The following PSMD2 variants were observed in gnomAD, a reference collection of about 807,000 sequenced individuals.
PSMD2 encodes 26S proteasome non-ATPase regulatory subunit 2.
PSMD2 carries 8 observed loss-of-function variants against 101.5 expected under a neutral mutation model. The observed-to-expected ratio is 0.08, with a 90% CI of 0.05 to 0.14. PSMD2 has a LOEUF of 0.14. Among genes scored for constraint, PSMD2 ranks in the 10% least tolerant of loss-of-function variants. PSMD2 has a pLI of 1.00. For synonymous variants in PSMD2, 418 were observed against 433.8 expected, an observed-to-expected ratio of 0.96 and a Z score of 0.45; for missense variants, 784 against 1,147.4, an observed-to-expected ratio of 0.68 and a Z score of 4.58.
chr3:184,303,490 C>T (rs763447151), intron 9 of PSMD2, 24 bp downstream of exon 9: 3 of 1,611,996 alleles, frequency 1.9e-6, no homozygotes, highest in Admixed American at 3.3e-5. Flanking sequence ...CCTGCTTTGT[C>T]TTTTGTTTTG....
chr3:184,304,551 G>A lies in PSMD2; in HGVS notation c.1539+160G>A, dbSNP rs139494850. 2.0e-5 allele frequency among the ~76,000 whole-genome samples: 3 copies of A among 152,200 alleles called. No homozygotes were observed. Among genetic ancestry groups the A allele is most frequent in the Non-Finnish European group, 4.4e-5 (3 of 68,044 alleles). ...GGGCGTCACCTCAGTGAAACCCCTT[G>A]ATCTGGGATTCTAAGCCTCTGGTGG... is the stretch of plus-strand genomic sequence containing the variant. On this transcript the variant is annotated intron_variant, in intron 12 of 20. Transcript: ENST00000310118. The surrounding 1 kb of genome is among the most constrained non-coding windows in gnomAD (Gnocchi z 4.1).
At chr3:184,305,993 A>T in intron 13 of PSMD2, 61 bp from the exon 14 acceptor site, 1 of 1,613,438 alleles carries the variant, frequency 6.2e-7, no homozygotes, top group Non-Finnish European at 8.5e-7. Context: ...GGGAGGGTTT[A>T]TGTGTCAGGC....
In PSMD2 at chr3:184,301,592, A is replaced by C. The variant is rs1721646028; in HGVS notation, c.413A>C (p.Glu138Ala). ...VLAMTMSGER[E>A]CLKYRLVGSQ... ...GCCATGACCATGAGTGGGGAGCGTG[A>C]GTGCCTCAAGTATCGGCTAGTGGGC... The change falls in exon 4 of 21, where the codon GAG becomes GCG. Residue 138 changes from glutamate (E) to alanine (A), a missense_variant. Coordinates refer to ENST00000310118, the MANE Select transcript of PSMD2 (RefSeq NM_002808.5). 5.6e-6 allele frequency: 9 copies of C among 1,613,974 alleles called. No individual in the cohort carries two copies. Among genetic ancestry groups the C allele is most frequent in the African/African-American group, 1.3e-5 (1 of 74,898 alleles).
At chr3:184,306,909 T>C in intron 16 of PSMD2, 75 bp downstream of exon 16, 1 of 1,144,506 alleles carries the variant, frequency 8.7e-7, no homozygotes. Flanking sequence ...ATTTTTCTGA[T>C]GGGTTTTCTT....
chr3:184,300,659 G>T, intron 3 of PSMD2: 1 of 1,324,330 alleles, frequency 7.6e-7, no homozygotes, highest in South Asian at 2.1e-5. Context: ...GGACTTTGGG[G>T]TTTCATTAGC....
chr3:184,300,256 T>C (rs1210380439), intron 2 of PSMD2, 24 bp from the exon 3 acceptor site: 1 of 1,600,496 alleles, frequency 6.2e-7, no homozygotes, highest in Non-Finnish European at 8.5e-7. Flanking sequence ...CCTTTTTGTC[T>C]GAGCCCTGTC....
At chr3:184,301,780 T>A in intron 4 of PSMD2, 67 bp from the exon 5 acceptor site, 1 of 1,610,302 alleles carries the variant, frequency 6.2e-7, no homozygotes, top group Non-Finnish European at 8.5e-7. Context: ...GACGCTGGAT[T>A]CCTTGACCCA....
intron 8 of PSMD2, 70 bp from the exon 9 acceptor site, chr3:184,303,250 C>G: frequency 2.6e-6 from 4 of 1,566,180 alleles, no homozygotes; most frequent in Non-Finnish European, 3.5e-6. Flanking sequence ...AGACCAGTTG[C>G]CATGCTGTGT....
At chr3:184,302,288 T>C in intron 5 of PSMD2, 82 bp from the exon 6 acceptor site, 1 of 1,388,352 alleles carries the variant, frequency 7.2e-7, no homozygotes, top group Non-Finnish European at 9.8e-7. Context: ...TAGATATTTA[T>C]TATTTATTTT....
chr3:184,305,380 T>C (rs542419387), intron 12 of PSMD2, among the ~76,000 whole-genome samples: 7 of 151,866 alleles, frequency 4.6e-5, no homozygotes, highest in Non-Finnish European at 1.0e-4. Context: ...TCCCAGCTAC[T>C]TGGGAGGCTG....
chr3:184,302,575 A>G, intron 6 of PSMD2, 47 bp downstream of exon 6: 1 of 1,611,712 alleles, frequency 6.2e-7, no homozygotes, highest in Non-Finnish European at 8.5e-7. Context: ...CGAATAGGAC[A>G]CTTGCATAAA....
In PSMD2 at chr3:184,302,996, C is replaced by T. The variant is rs774406729; in HGVS notation, c.1009-6C>T. 6.2e-6 allele frequency: 10 copies of T among 1,614,006 alleles called. No individual in the cohort carries two copies. The highest frequency in any genetic ancestry group is 8.5e-7 in the Non-Finnish European group (1 of 1,180,034). On this transcript the variant is annotated splice_region_variant and splice_polypyrimidine_tract_variant and intron_variant, in intron 7 of 20. Transcript: ENST00000310118. ...AAGCAATTGTGACCCTCTGACTTCT[C>T]TTCAGCTGGACATCATGGAGCCCAA...
intron 1 of PSMD2, 40 bp downstream of exon 1, chr3:184,299,441 G>T: frequency 2.3e-6 from 3 of 1,325,720 alleles, no homozygotes; most frequent in Non-Finnish European, 2.9e-6. Context: ...GAGGCTGCGG[G>T]GCTGAGTCAC....
In PSMD2 at chr3:184,303,019, C is replaced by G; in HGVS notation, c.1026C>G (p.Pro342=). 1 of 1,614,086 alleles carries G rather than the reference C, an allele frequency of 6.2e-7. No homozygotes were observed. The change falls in exon 8 of 21, where the codon CCC becomes CCG. Residue 342 remains proline, a synonymous_variant. Coordinates refer to ENST00000310118, the MANE Select transcript of PSMD2 (RefSeq NM_002808.5). ...ALARELDIME[P]KVPDDIYKTH... ...CTCTTCAGCTGGACATCATGGAGCC[C>G]AAGGTGCCTGATGACATCTACAAAA...
chr3:184,308,372 C>T lies in PSMD2; in HGVS notation c.2426-77C>T. On this transcript the variant is annotated intron_variant, in intron 19 of 20. Transcript: ENST00000310118. The surrounding 1 kb of genome is among the most constrained non-coding windows in gnomAD (Gnocchi z 6.0). ...TGACTGACGGGTTAAAGGGTCAGCG[C>T]TGAGGTGGGCTCTCAATGTTTCTGG... 1 of 1,190,576 alleles carries T rather than the reference C, an allele frequency of 8.4e-7. No individual in the cohort carries two copies. The highest frequency in any genetic ancestry group is 1.2e-6 in the Non-Finnish European group (1 of 829,130). 73.8% of individuals were successfully genotyped at this position (1,190,576 alleles called of 1,614,324 possible).
chr3:184,305,705 T>C, intron 12 of PSMD2, 63 bp from the exon 13 acceptor site: 1 of 1,487,420 alleles, frequency 6.7e-7, no homozygotes, highest in African/African-American at 1.4e-5. Flanking sequence ...ATAGGCTATC[T>C]TGAATCAAGA....
chr3:184,301,416 C>G (rs1721638871), intron 3 of PSMD2, 121 bp from the exon 4 acceptor site: 4 of 1,248,872 alleles, frequency 3.2e-6, no homozygotes, highest in African/African-American at 1.5e-5. Context: ...TGTTAAATTT[C>G]TAGTACAGAG....
chr3:184,300,004 T>G, intron 2 of PSMD2, 97 bp downstream of exon 2: 1 of 1,146,034 alleles, frequency 8.7e-7, no homozygotes, highest in South Asian at 1.2e-5. Flanking sequence ...TGGACTGTAT[T>G]TTAGGGTCAG....
At chr3:184,307,746 A>G (rs758845718) in intron 18 of PSMD2, 38 bp downstream of exon 18, 1 of 1,608,832 alleles carries the variant, frequency 6.2e-7, no homozygotes, top group African/African-American at 1.3e-5. Flanking sequence ...GTGCCGGGGA[A>G]GTATCTGTGG....
Sources: allele counts gnomAD v4.1 joint callset (sites outside exome capture counted in the v4.1 genomes callset), GRCh38; gene constraint gnomAD v4.1.1; non-coding constraint Gnocchi (gnomAD v3.1); transcripts MANE v1.5; gene names NCBI Gene and HGNC (gene_info 2026-07-23, HGNC 2026-07-21).